IL1RAPL1: variants seen among roughly 807,000 people sequenced by gnomAD.
The protein encoded by IL1RAPL1 is interleukin-1 receptor accessory protein-like 1.
In IL1RAPL1, 3 loss-of-function variants were observed where a neutral mutation model predicts 48.4. The observed-to-expected ratio is 0.06, with a 90% CI of 0.03 to 0.16. The LOEUF is 0.16. Among genes scored for constraint, IL1RAPL1 ranks in the 10% least tolerant of loss-of-function variants. The pLI, the probability that IL1RAPL1 is intolerant of heterozygous loss-of-function variation, is 1.00. For missense variants in IL1RAPL1, 349 were observed against 530.6 expected, an observed-to-expected ratio of 0.66 and a Z score of 3.36; for synonymous variants, 185 against 187.7, an observed-to-expected ratio of 0.99 and a Z score of 0.12.
chrX:29,656,631 T>A (rs866048351), intron 5 of IL1RAPL1, among the ~76,000 whole-genome samples: 15 of 103,976 alleles, frequency 1.4e-4, no homozygotes, highest in African/African-American at 5.0e-4. Flanking sequence ...GTATTTCATT[T>A]TATATATATA....
chrX:28,701,201 AG>A (rs1302513549), intron 1 of IL1RAPL1, among the ~76,000 whole-genome samples: 1 of 111,481 alleles, frequency 9.0e-6, no homozygotes, highest in African/African-American at 3.3e-5. Flanking sequence ...TCTACTCTTA[AG>A]TTATGCTCTA....
intron 2 of IL1RAPL1, among the ~76,000 whole-genome samples, chrX:29,098,533 G>T (rs1480142380): frequency 3.6e-5 from 4 of 111,298 alleles, no homozygotes; most frequent in Admixed American, 1.9e-4. Context: ...TTAGAGCTTG[G>T]ATACTCAACT....
At chrX:29,786,892 C>T (rs113386929) in intron 6 of IL1RAPL1, among the ~76,000 whole-genome samples, 3 of 111,116 alleles carry the variant, frequency 2.7e-5, no homozygotes, top group African/African-American at 9.8e-5. Flanking sequence ...GAGATTCTTG[C>T]CATTTACAAA....
intron 6 of IL1RAPL1, among the ~76,000 whole-genome samples, chrX:29,804,241 T>C (rs767221390): frequency 1.2e-4 from 13 of 111,761 alleles, no homozygotes; most frequent in Middle Eastern, 4.2e-3. Flanking sequence ...TGGCATTTTT[T>C]CTGGCGTGAT....
chrX:29,315,931 G>C (rs1356330347), intron 3 of IL1RAPL1, among the ~76,000 whole-genome samples: 1 of 111,859 alleles, frequency 8.9e-6, no homozygotes, highest in Admixed American at 9.5e-5. Flanking sequence ...AAGAAAGAGA[G>C]AGCTCAAAGA....
intron 1 of IL1RAPL1, among the ~76,000 whole-genome samples, chrX:28,680,503 T>TTGAAGAG (rs1215758931): frequency 9.0e-6 from 1 of 111,676 alleles, no homozygotes; most frequent in Non-Finnish European, 1.9e-5. Context: ...AGAGAAGTGG[T>TTGAAGAG]AAGCATGGGT....
At chrX:29,887,731 A>C (rs989511738) in intron 6 of IL1RAPL1, among the ~76,000 whole-genome samples, 1 of 111,044 alleles carries the variant, frequency 9.0e-6, no homozygotes, top group Non-Finnish European at 1.9e-5. Flanking sequence ...AAACAATGCT[A>C]AGACATAGAA....
intron 2 of IL1RAPL1, among the ~76,000 whole-genome samples, chrX:29,084,742 A>C (rs2147451266): frequency 8.9e-6 from 1 of 112,704 alleles, no homozygotes; most frequent in Admixed American, 9.4e-5. Flanking sequence ...CCCAGGCTGG[A>C]GTGCAGTGGT....
intron 5 of IL1RAPL1, among the ~76,000 whole-genome samples, chrX:29,603,649 A>G (rs1923799628): frequency 8.9e-6 from 1 of 112,059 alleles, no homozygotes; most frequent in South Asian, 3.7e-4. Flanking sequence ...TTAGAGTTTA[A>G]GAATTCTGTT....
At chrX:29,866,878 A>G (rs1931705544) in intron 6 of IL1RAPL1, among the ~76,000 whole-genome samples, 1 of 110,363 alleles carries the variant, frequency 9.1e-6, no homozygotes, top group Non-Finnish European at 1.9e-5. Flanking sequence ...TGTGTATGAT[A>G]ATAACTATTA....
intron 5 of IL1RAPL1, among the ~76,000 whole-genome samples, chrX:29,558,788 A>G (rs1922090160): frequency 8.9e-6 from 1 of 111,740 alleles, no homozygotes; most frequent in Non-Finnish European, 1.9e-5. Flanking sequence ...TGTTGAACAG[A>G]CTGCCCTTTC....
intron 6 of IL1RAPL1, among the ~76,000 whole-genome samples, chrX:29,775,773 A>G (rs1185054561): frequency 9.0e-6 from 1 of 111,303 alleles, no homozygotes; most frequent in Non-Finnish European, 1.9e-5. Context: ...CTGACAGAGG[A>G]ATTAGCAAAT....
At chrX:28,980,008 G>T (rs184043836) in intron 2 of IL1RAPL1, among the ~76,000 whole-genome samples, 2 of 112,122 alleles carry the variant, frequency 1.8e-5, no homozygotes, top group African/African-American at 6.5e-5. Context: ...AGTATTGTAG[G>T]TATAGTGTAG....
At chrX:28,941,471 A>T (rs1313307393) in intron 2 of IL1RAPL1, among the ~76,000 whole-genome samples, 1 of 111,175 alleles carries the variant, frequency 9.0e-6, no homozygotes, top group Non-Finnish European at 1.9e-5. Context: ...ATCTAGCTCC[A>T]TCTCAATTGA....
At chrX:29,534,288 C>A (rs1921141122) in intron 5 of IL1RAPL1, among the ~76,000 whole-genome samples, 1 of 111,624 alleles carries the variant, frequency 9.0e-6, no homozygotes, top group South Asian at 3.7e-4. Flanking sequence ...ACTCAAAAAT[C>A]ATAAGAACAG....
chrX:29,261,106 CTG>C (rs1931850786), intron 2 of IL1RAPL1, among the ~76,000 whole-genome samples: 1 of 109,206 alleles, frequency 9.2e-6, no homozygotes, highest in Non-Finnish European at 1.9e-5. Context: ...AAACTTTAAA[CTG>C]TTATTGTTGG....
chrX:29,553,926 C>CTT lies in IL1RAPL1; in HGVS notation c.704-114491_704-114490dup, dbSNP rs749588158. ...CTTACAAGTTTATGGATCCAGTGGC[C>CTT]TTTTTTTTTTTTTTATTCGAGGGAA... On this transcript the variant is annotated intron_variant, in intron 5 of 10. Coordinates refer to ENST00000378993, the MANE Select transcript of IL1RAPL1 (RefSeq NM_014271.4). Among the ~76,000 whole-genome samples, 535 of 99,735 alleles carry CTT rather than the reference C, an allele frequency of 5.4e-3. 4 individuals are homozygous for CTT. The highest frequency in any genetic ancestry group is 0.018 in the African/African-American group (485 of 27,531). The allele number at this position is 99,735 out of a possible 115,157, so 86.6% of individuals were successfully genotyped here. A position where few individuals can be genotyped will look rare whatever the true frequency, so the allele number is the denominator to read the frequency against.
At chrX:29,824,904 G>GT (rs758222398) in intron 6 of IL1RAPL1, among the ~76,000 whole-genome samples, 1,832 of 92,362 alleles carry the variant, frequency 0.02, 36 homozygotes, top group African/African-American at 0.06. Flanking sequence ...ACCAGAACAT[G>GT]TTTTTTTTTT....
At chrX:29,177,272 G>C (rs1380654080) in intron 2 of IL1RAPL1, among the ~76,000 whole-genome samples, 2 of 111,852 alleles carry the variant, frequency 1.8e-5, no homozygotes, top group African/African-American at 6.5e-5. Flanking sequence ...TTAATCACTT[G>C]TTTTATTGGC....
Sources: gnomAD v4.1 joint callset for allele counts (sites outside exome capture counted in the v4.1 genomes callset) on GRCh38, gnomAD v4.1.1 for gene constraint, MANE v1.5 for transcripts, NCBI Gene and HGNC (gene_info 2026-07-23, HGNC 2026-07-21) for gene names.